Variants in TRPC5 observed in about 807,000 individuals in gnomAD.
TRPC5 encodes the protein transient receptor potential cation channel subfamily C member 5, also known as short transient receptor potential channel 5.
A neutral mutation model predicts 56.5 loss-of-function variants in TRPC5; 9 were observed. That is an observed-to-expected ratio of 0.16 (90% CI 0.10 to 0.28). The LOEUF (loss-of-function observed/expected upper bound fraction) is 0.28. TRPC5 is among the 10% of genes least tolerant of loss of function. TRPC5 has a pLI of 1.00. For missense variants in TRPC5, 469 were observed against 748.9 expected, an observed-to-expected ratio of 0.63 and a Z score of 4.36; for synonymous variants, 282 against 278.5, an observed-to-expected ratio of 1.01 and a Z score of -0.13.
At position 111,780,110 on chromosome X, in the gene TRPC5, T is replaced by A. The variant is rs928344254; in HGVS notation, c.2143-1036A>T. ...GTGACCTATAGAATAAGGATGCATTTCCTTCAAACGCTGTAGAACATTTTT... is the reference window on the plus strand; with the variant it reads ...GTGACCTATAGAATAAGGATGCATTACCTTCAAACGCTGTAGAACATTTTT... On this transcript the variant is annotated intron_variant, in intron 9 of 10. Transcript: ENST00000262839. Among the ~76,000 whole-genome samples, 4 of 111,526 alleles carry A rather than the reference T, an allele frequency of 3.6e-5. No individual in the cohort carries two copies. The Admixed American group carries it at 3.8e-4, about 11-fold the overall frequency.
intron 7 of TRPC5, among the ~76,000 whole-genome samples, chrX:111,789,529 C>T (rs1271424114): frequency 8.9e-6 from 1 of 111,861 alleles, no homozygotes; most frequent in Non-Finnish European, 1.9e-5. Flanking sequence ...ACTAAAACAC[C>T]AAAAGCAATG....
intron 2 of TRPC5, among the ~76,000 whole-genome samples, chrX:111,949,170 G>A (rs770480209): frequency 7.2e-5 from 8 of 111,855 alleles, no homozygotes; most frequent in African/African-American, 2.6e-4. Context: ...CATCTCTCAC[G>A]TTATACAAAA....
intron 1 of TRPC5, among the ~76,000 whole-genome samples, chrX:112,001,650 A>G (rs765408228): frequency 8.4e-4 from 93 of 111,337 alleles, no homozygotes; most frequent in Non-Finnish European, 1.5e-3. Flanking sequence ...AATCCCAGCT[A>G]TTTGGGAGGG....
chrX:112,081,989 G>A lies in TRPC5; in HGVS notation c.-132C>T, dbSNP rs1930979818. On this transcript the variant is annotated 5_prime_UTR_variant, in exon 1 of 11. Coordinates refer to ENST00000262839, the MANE Select transcript of TRPC5 (RefSeq NM_012471.3). ...TCCTCTTTTGCGGCGCGAAACAGCAGCCGACTGGGACAGCCCGGGGCCTCT... is the reference window on the plus strand; with the variant it reads ...TCCTCTTTTGCGGCGCGAAACAGCAACCGACTGGGACAGCCCGGGGCCTCT... 1 of 111,733 alleles carries A rather than the reference G, an allele frequency of 8.9e-6. No individual in the cohort carries two copies. The highest frequency in any genetic ancestry group is 1.9e-5 in the Non-Finnish European group (1 of 53,189). 9.2% of individuals were successfully genotyped at this position (111,733 alleles called of 1,213,427 possible). A position where few individuals can be genotyped will look rare whatever the true frequency, so the allele number is the denominator to read the frequency against.
At chrX:111,785,259 G>A (rs746997234) in intron 7 of TRPC5, among the ~76,000 whole-genome samples, 1 of 112,023 alleles carries the variant, frequency 8.9e-6, no homozygotes, top group South Asian at 3.7e-4. Flanking sequence ...CTGGGGACAC[G>A]CAGGTAAACA....
intron 1 of TRPC5, among the ~76,000 whole-genome samples, chrX:112,020,093 A>G (rs1286387836): frequency 9.0e-6 from 1 of 111,535 alleles, no homozygotes; most frequent in African/African-American, 3.3e-5. Flanking sequence ...GGGTCTCACT[A>G]TGTTGCCCAA....
At chrX:111,938,439 A>G (rs780022346) in intron 2 of TRPC5, among the ~76,000 whole-genome samples, 5 of 110,180 alleles carry the variant, frequency 4.5e-5, no homozygotes, top group African/African-American at 1.3e-4. Context: ...TTCAAAGGGA[A>G]TGCTTCCAGT....
At chrX:112,080,650 C>A (rs983070095) in intron 1 of TRPC5, among the ~76,000 whole-genome samples, 1 of 111,443 alleles carries the variant, frequency 9.0e-6, no homozygotes, top group Non-Finnish European at 1.9e-5. Context: ...ATTAACATGC[C>A]TTTTGATTTA....
rs6642977 is a variant in TRPC5 at position 112,025,153 on chromosome X, C to T, written c.-22+56726G>A. ...GGTCTTTGTGGTCATGACAATTAAA[C>T]AGAATTATGTGTTGGAAGTGGGTAC... is the stretch of plus-strand genomic sequence containing the variant. On this transcript the variant is annotated intron_variant, in intron 1 of 10. Transcript: ENST00000262839. 3.6e-3 allele frequency among the ~76,000 whole-genome samples: 404 copies of T among 111,672 alleles called. 4 individuals carry two copies. The highest frequency in any genetic ancestry group is 0.013 in the African/African-American group (385 of 30,729).
intron 1 of TRPC5, among the ~76,000 whole-genome samples, chrX:111,955,394 C>T (rs752187335): frequency 2.7e-5 from 3 of 111,844 alleles, no homozygotes; most frequent in African/African-American, 6.5e-5. Flanking sequence ...TCATTAGGAA[C>T]GTTGCTGTGA....
At chrX:111,928,034 G>A (rs749792166) in intron 2 of TRPC5, among the ~76,000 whole-genome samples, 14 of 110,619 alleles carry the variant, frequency 1.3e-4, no homozygotes, top group African/African-American at 4.6e-4. Flanking sequence ...GAGAAAACAC[G>A]CCTGGGCCTG....
At chrX:111,909,136 A>T (rs183100681) in intron 3 of TRPC5, among the ~76,000 whole-genome samples, 4,354 of 79,624 alleles carry the variant, frequency 0.055, 97 homozygotes, top group South Asian at 0.07. Flanking sequence ...ATAAATAAAT[A>T]AATAAATAAA....
intron 2 of TRPC5, among the ~76,000 whole-genome samples, chrX:111,941,724 G>A (rs185108108): frequency 1.4e-3 from 155 of 112,064 alleles, no homozygotes; most frequent in African/African-American, 5.0e-3. Context: ...TCAGAGAGGG[G>A]GAGATACAGT....
intron 1 of TRPC5, among the ~76,000 whole-genome samples, chrX:111,992,458 A>T (rs1368371850): frequency 9.0e-6 from 1 of 111,626 alleles, no homozygotes; most frequent in East Asian, 2.8e-4. Flanking sequence ...CCTTAACCCC[A>T]GTGGCTAAGA....
intron 2 of TRPC5, among the ~76,000 whole-genome samples, chrX:111,941,163 C>A (rs188034880): frequency 6.2e-5 from 7 of 112,230 alleles, no homozygotes; most frequent in African/African-American, 2.3e-4. Context: ...CCTACTCCAA[C>A]CGTTCCTTCA....
At position 111,867,301 on chromosome X, in the gene TRPC5, G is replaced by T. The variant is rs182427296; in HGVS notation, c.901-13195C>A. ...GAATAAAGGACAGTCATTCAATCTG[G>T]ATCTATTTAGCTTTAGGAAAAGCTC... On this transcript the variant is annotated intron_variant, in intron 3 of 10. Transcript: ENST00000262839. 2.8e-3 allele frequency among the ~76,000 whole-genome samples: 311 copies of T among 112,019 alleles called. 1 individual carries two copies. Among genetic ancestry groups the T allele is most frequent in the African/African-American group, 9.6e-3 (297 of 30,837 alleles).
chrX:112,063,966 C>T (rs1161839641), intron 1 of TRPC5, among the ~76,000 whole-genome samples: 1 of 111,410 alleles, frequency 9.0e-6, no homozygotes, highest in African/African-American at 3.3e-5. Context: ...CAAGTGCTTA[C>T]TTATTCTAAA....
chrX:111,864,996 T>G (rs1923505727), intron 3 of TRPC5, among the ~76,000 whole-genome samples: 1 of 108,915 alleles, frequency 9.2e-6, no homozygotes, highest in African/African-American at 3.5e-5. Flanking sequence ...TATAGCAGCT[T>G]CTTCTTTTTT....
chrX:111,813,803 C>A lies in TRPC5; in HGVS notation c.1896+21118G>T, dbSNP rs754750968. Among the ~76,000 whole-genome samples, 11 of 112,345 alleles carry A rather than the reference C, an allele frequency of 9.8e-5. No homozygotes were observed. In the East Asian group the frequency reaches 3.1e-3, roughly 32 times the overall value. On this transcript the variant is annotated intron_variant, in intron 7 of 10. Coordinates refer to ENST00000262839, the MANE Select transcript of TRPC5 (RefSeq NM_012471.3). Reference sequence around the variant, plus strand: ...CTTCACTTTAACTGGTAGTTACCTACTTCACTTGAGTATAAGACCAGCTCT... The same window carrying A: ...CTTCACTTTAACTGGTAGTTACCTAATTCACTTGAGTATAAGACCAGCTCT...
Sources: gnomAD v4.1 joint callset for allele counts (sites outside exome capture counted in the v4.1 genomes callset) on GRCh38, gnomAD v4.1.1 for gene constraint, MANE v1.5 for transcripts, NCBI Gene and HGNC (gene_info 2026-07-23, HGNC 2026-07-21) for gene names.